The following IFT88 variants were observed in gnomAD, a reference collection of about 807,000 sequenced individuals.
The protein encoded by IFT88 is intraflagellar transport protein 88 homolog.
A neutral mutation model predicts 119.5 loss-of-function variants in IFT88; 74 were observed. The observed-to-expected ratio is 0.62, with a 90% CI of 0.51 to 0.75. The LOEUF is 0.75. Among genes scored for constraint, IFT88 ranks in the 30% least tolerant of loss-of-function variants. The pLI is 0.00. For missense variants in IFT88, 961 were observed against 977.7 expected, an observed-to-expected ratio of 0.98 and a Z score of 0.23; for synonymous variants, 279 against 316.7, an observed-to-expected ratio of 0.88 and a Z score of 1.26.
intron 20 of IFT88, among the ~76,000 whole-genome samples, chr13:20,645,944 A>G (rs1391793879): frequency 6.6e-6 from 1 of 152,228 alleles, no homozygotes; most frequent in Admixed American, 6.5e-5. Flanking sequence ...AGATAGTTTT[A>G]GTTTAATTAT....
intron 21 of IFT88, among the ~76,000 whole-genome samples, chr13:20,654,243 C>T (rs2052350410): frequency 6.6e-6 from 1 of 152,066 alleles, no homozygotes; most frequent in African/African-American, 2.4e-5. Flanking sequence ...ATTATATTTC[C>T]ATTTTCTACT....
chr13:20,684,293 C>G (rs2057646768), intron 24 of IFT88, among the ~76,000 whole-genome samples: 1 of 152,148 alleles, frequency 6.6e-6, no homozygotes, highest in South Asian at 2.1e-4. Flanking sequence ...CCAGTGTCCT[C>G]TGGAAAAGAG....
intron 22 of IFT88, among the ~76,000 whole-genome samples, chr13:20,660,314 A>G (rs1300781962): frequency 6.6e-6 from 1 of 152,164 alleles, no homozygotes; most frequent in Non-Finnish European, 1.5e-5. Flanking sequence ...TGTGATGGGG[A>G]GAGAGAGGCA....
At chr13:20,584,314 A>G (rs948111045) in intron 3 of IFT88, among the ~76,000 whole-genome samples, 6 of 152,072 alleles carry the variant, frequency 3.9e-5, no homozygotes, top group African/African-American at 1.4e-4. Context: ...TAATTCATCA[A>G]TGTTTTGTAG....
At chr13:20,601,537 A>G (rs2042592160) in intron 11 of IFT88, among the ~76,000 whole-genome samples, 168 bp from the exon 12 acceptor site, 1 of 152,236 alleles carries the variant, frequency 6.6e-6, no homozygotes, top group African/African-American at 2.4e-5. Context: ...CATATACTTA[A>G]AATGAGTGAA....
intron 24 of IFT88, among the ~76,000 whole-genome samples, chr13:20,689,841 C>G (rs761068551): frequency 6.6e-6 from 1 of 151,946 alleles, no homozygotes; most frequent in South Asian, 2.1e-4. Flanking sequence ...AAAAGACACC[C>G]GTATACATTT....
Position 20,568,833 on chromosome 13 carries a change from G to A in IFT88, c.-7+1577G>A, listed in dbSNP as rs1163206827. 2.6e-5 allele frequency among the ~76,000 whole-genome samples: 4 copies of A among 152,116 alleles called. No individual in the cohort carries two copies. The South Asian group carries it at 6.2e-4, about 24-fold the overall frequency. Reference sequence around the variant, plus strand: ...CCTCCCGGGTTCATGCCATTCTCCTGCCTCAGCCTCCCGAGTAGCTGGGAC... The same window carrying A: ...CCTCCCGGGTTCATGCCATTCTCCTACCTCAGCCTCCCGAGTAGCTGGGAC... On this transcript the variant is annotated intron_variant, in intron 1 of 25. Transcript: ENST00000351808.
intron 14 of IFT88, among the ~76,000 whole-genome samples, chr13:20,621,036 G>T (rs374568532): frequency 1.3e-5 from 2 of 152,084 alleles, no homozygotes; most frequent in East Asian, 3.9e-4. Flanking sequence ...CTTTGTTTAG[G>T]CTACCTAGCT....
chr13:20,643,699 C>A, intron 19 of IFT88, 94 bp downstream of exon 19: 1 of 817,806 alleles, frequency 1.2e-6, no homozygotes, highest in Non-Finnish European at 1.9e-6. Flanking sequence ...GAAGATCTTA[C>A]CAGTTTTAAA....
At position 20,601,781 on chromosome 13, in the gene IFT88, C is replaced by A; in HGVS notation, c.889C>A (p.His297Asn). The change falls in exon 12 of 26, where the codon CAC (histidine) becomes AAC (asparagine). Residue 297 changes from histidine (H) to asparagine (N), a missense_variant. Coordinates refer to ENST00000351808, the MANE Select transcript of IFT88 (RefSeq NM_006531.5). ...QYSDAINSYEHIMSMAPNLKA... is the reference protein window; with the variant it reads ...QYSDAINSYENIMSMAPNLKA... ...TTCAGATGCTATTAATTCATATGAG[C>A]ACATAATGAGCATGGCACCAAATCT... The A allele has an allele frequency of 6.2e-7, 1 of 1,613,100 alleles. No individual in the cohort carries two copies. Among genetic ancestry groups the A allele is most frequent in the East Asian group, 2.2e-5 (1 of 44,836 alleles).
intron 22 of IFT88, among the ~76,000 whole-genome samples, chr13:20,661,169 A>G (rs1477688907): frequency 6.6e-6 from 1 of 152,234 alleles, no homozygotes; most frequent in Non-Finnish European, 1.5e-5. Context: ...TGCTGTCAAA[A>G]TACAGAGGAT....
At chr13:20,578,228 T>A (rs1391583182) in intron 2 of IFT88, among the ~76,000 whole-genome samples, 2 of 151,154 alleles carry the variant, frequency 1.3e-5, no homozygotes, top group East Asian at 3.9e-4. Flanking sequence ...GTATTTTTTT[T>A]AGTAGAGACA....
At chr13:20,666,912 T>C (rs893732102) in intron 23 of IFT88, among the ~76,000 whole-genome samples, 3 of 152,182 alleles carry the variant, frequency 2.0e-5, no homozygotes, top group African/African-American at 7.2e-5. Flanking sequence ...TACAAACATA[T>C]ATCAACACAT....
intron 14 of IFT88, among the ~76,000 whole-genome samples, chr13:20,624,476 C>T (rs1284738721): frequency 6.6e-6 from 1 of 152,098 alleles, no homozygotes; most frequent in East Asian, 1.9e-4. Flanking sequence ...CATGTGAGGG[C>T]CACAAACAGA....
intron 3 of IFT88, among the ~76,000 whole-genome samples, chr13:20,584,948 T>G (rs946620051): frequency 1.3e-5 from 2 of 152,180 alleles, no homozygotes; most frequent in African/African-American, 4.8e-5. Context: ...TGCTAACCAT[T>G]CTACAATGCA....
chr13:20,639,936 G>A (rs1377065374), intron 17 of IFT88, among the ~76,000 whole-genome samples: 2 of 151,368 alleles, frequency 1.3e-5, no homozygotes, highest in African/African-American at 2.4e-5. Flanking sequence ...CCACAGGTGC[G>A]CTCCACTACG....
At chr13:20,673,864 ACT>A (rs570238231) in intron 24 of IFT88, among the ~76,000 whole-genome samples, 19 of 152,022 alleles carry the variant, frequency 1.2e-4, no homozygotes, top group Admixed American at 8.5e-4. Context: ...TGGCATACAA[ACT>A]CTGTGCTCTC....
At chr13:20,668,009 C>G (rs2055038286) in intron 23 of IFT88, among the ~76,000 whole-genome samples, 1 of 152,060 alleles carries the variant, frequency 6.6e-6, no homozygotes, top group Non-Finnish European at 1.5e-5. Context: ...GATGGACACT[C>G]TTAACTTTCC....
intron 4 of IFT88, 107 bp downstream of exon 4, chr13:20,589,974 ATTTTCTAT>A: frequency 1.8e-6 from 1 of 561,248 alleles, no homozygotes; most frequent in Non-Finnish European, 3.2e-6. Context: ...ATCCAAATAT[ATTTTCTAT>A]TTTGGATACT....
Sources: gnomAD v4.1 joint callset for allele counts (sites outside exome capture counted in the v4.1 genomes callset) on GRCh38, gnomAD v4.1.1 for gene constraint, MANE v1.5 for transcripts, NCBI Gene and HGNC (gene_info 2026-07-23, HGNC 2026-07-21) for gene names.